Variants in ABCB10 observed in about 807,000 individuals in gnomAD.
The protein encoded by ABCB10 is ATP-binding cassette sub-family B member 10, mitochondrial.
In ABCB10, 54 loss-of-function variants were observed where a neutral mutation model predicts 65.4. The ratio of observed to expected loss-of-function variants is 0.83; its 90% confidence interval spans 0.66 to 1.04. The LOEUF (loss-of-function observed/expected upper bound fraction) is 1.04. Among genes scored for constraint, ABCB10 ranks in the 50% least tolerant of loss-of-function variants. The pLI is 0.00. For missense variants in ABCB10, 846 were observed against 976.6 expected, an observed-to-expected ratio of 0.87 and a Z score of 1.78; for synonymous variants, 418 against 406.5, an observed-to-expected ratio of 1.03 and a Z score of -0.34.
In ABCB10 at chr1:229,553,599, A is replaced by G. The variant is rs375738908; in HGVS notation, c.518-4165T>C. 4.6e-5 allele frequency among the ~76,000 whole-genome samples: 7 copies of G among 151,854 alleles called. No homozygotes were observed. The East Asian group carries it at 5.9e-4, about 13-fold the overall frequency. On this transcript the variant is annotated intron_variant, in intron 1 of 12. Coordinates refer to ENST00000344517, the MANE Select transcript of ABCB10 (RefSeq NM_012089.3). Reference sequence around the variant, plus strand: ...ACGTGATGACTGGTTGGATGTGAGCATTTTTCCTCTCTGAAAAATGAGGAT... The same window carrying G: ...ACGTGATGACTGGTTGGATGTGAGCGTTTTTCCTCTCTGAAAAATGAGGAT...
At chr1:229,550,790 G>C (rs1663089464) in intron 1 of ABCB10, among the ~76,000 whole-genome samples, 2 of 151,784 alleles carry the variant, frequency 1.3e-5, no homozygotes. Flanking sequence ...CTTGAACCCA[G>C]GAGGTGGAGG....
chr1:229,552,677 A>ATATATCAGGCAGGTTATATCAGG (rs1663145752), intron 1 of ABCB10, among the ~76,000 whole-genome samples: 1 of 152,194 alleles, frequency 6.6e-6, no homozygotes. Flanking sequence ...TCAGGCAGGT[A>ATATATCAGGCAGGTTATATCAGG]CAGCAATCCC....
At position 229,547,563 on chromosome 1, in the gene ABCB10, A is replaced by G; in HGVS notation, c.857T>C (p.Val286Ala). The G allele has an allele frequency of 6.2e-7, 1 of 1,614,048 alleles. No individual in the cohort carries two copies. Among genetic ancestry groups the G allele is most frequent in the Admixed American group, 1.7e-5 (1 of 60,020 alleles). The change falls in exon 3 of 13, where the codon GTG (valine) becomes GCG (alanine). Residue 286 changes from valine to alanine, a missense_variant. By Grantham distance (64) the Val-to-Ala change is moderately conservative (BLOSUM62 0). Around this residue, in one of 2 missense-constraint regions of ABCB10, gnomAD observed 632 missense variants for 803.2 expected, o/e 0.79. Coordinates refer to ENST00000344517, the MANE Select transcript of ABCB10 (RefSeq NM_012089.3). ...GAGCCCATCTGAGAGGTTTTCAGTC[A>G]CTGAGCGCCCCAGGAGTGCAGTGTC... ...SSDTALLGRS[V>A]TENLSDGLRA...
rs1376652896 is a variant in ABCB10 at position 229,558,686 on chromosome 1, C to G, written c.-34G>C. 7.9e-7 allele frequency: 1 copy of G among 1,259,814 alleles called. No homozygotes were observed. The highest frequency in any genetic ancestry group is 1.0e-6 in the Non-Finnish European group (1 of 1,003,468). The allele number at this position is 1,259,814 out of a possible 1,614,324, so 78.0% of individuals were successfully genotyped here. A position where few individuals can be genotyped will look rare whatever the true frequency, so the allele number is the denominator to read the frequency against. On this transcript the variant is annotated 5_prime_UTR_variant, in exon 1 of 13. Transcript: ENST00000344517. ...GTGCGACCCGTACGCCTCAGCCCGC[C>G]GGCCAGGCGCGCGCAAAGCCCGAGG...
chr1:229,550,871 A>G (rs373379515), intron 1 of ABCB10, among the ~76,000 whole-genome samples: 54 of 152,202 alleles, frequency 3.5e-4, no homozygotes, highest in East Asian at 9.7e-4. Flanking sequence ...CTCAAAAAAA[A>G]AAAAGAAAAG....
At position 229,529,527 on chromosome 1, in the gene ABCB10, G is replaced by A. The variant is rs539561813; in HGVS notation, c.1645+672C>T. ...CTATTAAAAATACAAAAAATTAGCT[G>A]GGCGTGGTGGCAGGCACCTGTAGTC... On this transcript the variant is annotated intron_variant, in intron 8 of 12. Transcript: ENST00000344517. 1.3e-3 allele frequency among the ~76,000 whole-genome samples: 188 copies of A among 149,910 alleles called. 1 individual carries two copies. The highest frequency in any genetic ancestry group is 1.6e-3 in the Admixed American group (24 of 15,024).
chr1:229,520,732 T>C (rs1326992682), intron 11 of ABCB10, among the ~76,000 whole-genome samples: 1 of 152,216 alleles, frequency 6.6e-6, no homozygotes, highest in Non-Finnish European at 1.5e-5. Flanking sequence ...AATAAAGTAC[T>C]GATACAAACT....
At chr1:229,525,892 CT>C in intron 10 of ABCB10, 43 bp downstream of exon 10, 1 of 1,550,434 alleles carries the variant, frequency 6.4e-7, no homozygotes, top group Non-Finnish European at 8.7e-7. Flanking sequence ...GTGAAAAGTT[CT>C]TTGGATATAG....
At chr1:229,555,872 G>T (rs1663237429) in intron 1 of ABCB10, among the ~76,000 whole-genome samples, 1 of 149,664 alleles carries the variant, frequency 6.7e-6, no homozygotes, top group Non-Finnish European at 1.5e-5. Context: ...ATCCTAACTG[G>T]CTTTAATATA....
At chr1:229,538,236 C>T (rs183625132) in intron 6 of ABCB10, among the ~76,000 whole-genome samples, 1 of 152,302 alleles carries the variant, frequency 6.6e-6, no homozygotes, top group African/African-American at 2.4e-5. Context: ...GGCAATAGAA[C>T]AACCACAAAC....
intron 6 of ABCB10, 122 bp from the exon 7 acceptor site, chr1:229,531,853 A>G (rs1662592613): frequency 4.3e-6 from 3 of 701,402 alleles, no homozygotes; most frequent in South Asian, 2.9e-5. Flanking sequence ...ATATTTTCAA[A>G]AAACAACTTG....
intron 3 of ABCB10, among the ~76,000 whole-genome samples, chr1:229,544,460 C>T (rs925769487): frequency 2.9e-5 from 4 of 139,566 alleles, no homozygotes; most frequent in African/African-American, 1.0e-4. Flanking sequence ...AGAAACACAA[C>T]TTAATGGTGG....
At chr1:229,530,077 C>T in intron 8 of ABCB10, 122 bp downstream of exon 8, 1 of 992,786 alleles carries the variant, frequency 1.0e-6, no homozygotes. Flanking sequence ...TCCACTGGCA[C>T]TTAGAAAAGA....
chr1:229,538,570 A>C (rs1662772760), intron 6 of ABCB10, among the ~76,000 whole-genome samples: 2 of 152,106 alleles, frequency 1.3e-5, no homozygotes, highest in Admixed American at 1.3e-4. Context: ...ACCAGCCAGC[A>C]CCCCAAAACA....
Position 229,553,981 on chromosome 1 carries a change from A to C in ABCB10, c.517+4155T>G, listed in dbSNP as rs1301873692. Among the ~76,000 whole-genome samples, 7 of 152,156 alleles carry C rather than the reference A, an allele frequency of 4.6e-5. No homozygotes were observed. In the South Asian group the frequency reaches 1.2e-3, roughly 27 times the overall value. On this transcript the variant is annotated intron_variant, in intron 1 of 12. Transcript: ENST00000344517. Reference sequence around the variant, plus strand: ...ATTAACTATTATCTTTATTACTACCATTATAAGAACAACCCATGTCTCTGG... The same window carrying C: ...ATTAACTATTATCTTTATTACTACCCTTATAAGAACAACCCATGTCTCTGG...
In ABCB10 at chr1:229,530,328, C is replaced by A; in HGVS notation, c.1516G>T (p.Glu506Ter). The A allele has an allele frequency of 6.8e-6, 11 of 1,614,164 alleles. No homozygotes were observed. The highest frequency in any genetic ancestry group is 1.3e-5 in the African/African-American group (1 of 75,038). Residue 506 changes from glutamate (E) to a stop codon, truncating the protein, a stop_gained, in exon 8 of 13, where the codon GAG becomes TAG. Transcript: ENST00000344517. LOFTEE classifies it high-confidence loss of function. ...CTGAAATCCTGAAATATGGGCACCT[C>A]TGGGCGAGCTGGATAGGCAAAATGC... Reference protein sequence around the residue: ...NVHFAYPARPEVPIFQDFSLS... With the variant: ...NVHFAYPARP
chr1:229,558,428 C>G lies in ABCB10; in HGVS notation c.225G>C (p.Gly75=). The change falls in exon 1 of 13, where the codon GGG becomes GGC. Residue 75 remains glycine (G), a synonymous_variant. Coordinates refer to ENST00000344517, the MANE Select transcript of ABCB10 (RefSeq NM_012089.3). ...ARRWRSGCRG[G]GPGASRGVLG... is the part of the protein sequence containing the mutation. Reference sequence around the variant, plus strand: ...GGACGCCCCGCGAGGCGCCCGGACCCCCGCCCCGGCAGCCGCTCCTCCAGC... The same window carrying G: ...GGACGCCCCGCGAGGCGCCCGGACCGCCGCCCCGGCAGCCGCTCCTCCAGC... 2 of 1,207,558 alleles carry G rather than the reference C, an allele frequency of 1.7e-6. No homozygotes were observed. Among genetic ancestry groups the G allele is most frequent in the Non-Finnish European group, 2.1e-6 (2 of 975,486 alleles). The allele number at this position is 1,207,558 out of a possible 1,614,324, so 74.8% of individuals were successfully genotyped here.
chr1:229,550,966 T>TG (rs1663099533), intron 1 of ABCB10, among the ~76,000 whole-genome samples: 1 of 152,116 alleles, frequency 6.6e-6, no homozygotes, highest in Non-Finnish European at 1.5e-5. Context: ...AAGATAGTGA[T>TG]GGGGGTCTCA....
intron 1 of ABCB10, among the ~76,000 whole-genome samples, chr1:229,557,574 A>C (rs1439282368): frequency 6.6e-6 from 1 of 152,276 alleles, no homozygotes; most frequent in Non-Finnish European, 1.5e-5. Flanking sequence ...CTTTTAAAAA[A>C]GTTACTCAAT....
Sources: allele counts gnomAD v4.1 joint callset (sites outside exome capture counted in the v4.1 genomes callset), GRCh38; gene constraint gnomAD v4.1.1; regional missense constraint gnomAD v4.1.1; transcripts MANE v1.5; gene names NCBI Gene and HGNC (gene_info 2026-07-23, HGNC 2026-07-21).